CREBL2: variants seen among roughly 807,000 people sequenced by gnomAD.
CREBL2 encodes the protein cAMP-responsive element-binding protein-like 2.
A neutral mutation model predicts 19.5 loss-of-function variants in CREBL2; 4 were observed. That is an observed-to-expected ratio of 0.20 (90% CI 0.10 to 0.47). The LOEUF (loss-of-function observed/expected upper bound fraction) is 0.47, where lower values mean the gene tolerates loss of function less well. CREBL2 is among the 20% of genes least tolerant of loss of function. The probability of loss-of-function intolerance (pLI) is 0.98; values close to 1 mark genes in which losing one functional copy is unlikely to be tolerated. For missense variants in CREBL2, 85 were observed against 145.1 expected (o/e 0.59, Z 2.13); for synonymous variants, 42 against 46.6 (o/e 0.90, Z 0.40).
chr12:12,641,253 A>ATTAT (rs1478394376), intron 3 of CREBL2, among the ~76,000 whole-genome samples: 16 of 78,244 alleles, frequency 2.0e-4, no homozygotes, highest in East Asian at 9.1e-4. Context: ...TATTATTATT[A>ATTAT]TTTTTTTTTA....
At chr12:12,622,251 A>G (rs1385850967) in intron 1 of CREBL2, among the ~76,000 whole-genome samples, 1 of 152,222 alleles carries the variant, frequency 6.6e-6, no homozygotes, top group Non-Finnish European at 1.5e-5. Context: ...GATTGCACAG[A>G]AGAAAGGCCT....
At chr12:12,614,703 C>T in intron 1 of CREBL2, 1 of 285,552 alleles carries the variant, frequency 3.5e-6, no homozygotes, top group South Asian at 3.3e-5. Context: ...TTTCTGGAAG[C>T]TGTCAGCTCT....
chr12:12,628,614 A>G (rs755640595), intron 1 of CREBL2, among the ~76,000 whole-genome samples: 17 of 151,674 alleles, frequency 1.1e-4, no homozygotes, highest in African/African-American at 2.2e-4. Context: ...CCTTTGTTCT[A>G]TTTTTTTTAA....
intron 3 of CREBL2, among the ~76,000 whole-genome samples, chr12:12,641,244 A>ATTTTTTTT (rs1566116871): frequency 6.4e-4 from 10 of 15,592 alleles, no homozygotes; most frequent in African/African-American, 1.0e-3. Flanking sequence ...TATTATTATT[A>ATTTTTTTT]TTATTATTAT....
chr12:12,634,514 A>ATG (rs1286313620), intron 1 of CREBL2, among the ~76,000 whole-genome samples: 2 of 151,048 alleles, frequency 1.3e-5, no homozygotes, highest in Admixed American at 1.4e-4. Context: ...ATACATATTT[A>ATG]TGTGTGTATA....
Position 12,643,679 on chromosome 12 carries a change from AGT to A in CREBL2, c.*1682_*1683del, listed in dbSNP as rs1454913304. 5.3e-5 allele frequency: 8 copies of A among 152,154 alleles called. No homozygotes were observed. Among genetic ancestry groups the A allele is most frequent in the Non-Finnish European group, 1.2e-4 (8 of 68,028 alleles). 9.4% of individuals were successfully genotyped at this position (152,154 alleles called of 1,614,324 possible). A position where few individuals can be genotyped will look rare whatever the true frequency, so the allele number is the denominator to read the frequency against. On this transcript the variant is annotated 3_prime_UTR_variant, in exon 4 of 4. Transcript: ENST00000228865. The stretch of plus-strand genomic sequence containing the variant: ...TCAGATCTCTAGTCTAGTCTAGTCT[AGT>A]CTAGTCTAGTCATGTGTGACTGTGT...
At chr12:12,623,526 G>A (rs1008036051) in intron 1 of CREBL2, among the ~76,000 whole-genome samples, 9 of 152,282 alleles carry the variant, frequency 5.9e-5, no homozygotes, top group African/African-American at 2.2e-4. Flanking sequence ...GGAGGATAGA[G>A]GGAAAATAGA....
intron 1 of CREBL2, among the ~76,000 whole-genome samples, chr12:12,613,676 G>C (rs543481711): frequency 2.9e-4 from 44 of 152,294 alleles, no homozygotes; most frequent in African/African-American, 9.9e-4. Flanking sequence ...AAGACAGAAG[G>C]GGGGCGAGTT....
intron 2 of CREBL2, among the ~76,000 whole-genome samples, chr12:12,636,327 A>C (rs1945474961): frequency 6.6e-6 from 1 of 152,258 alleles, no homozygotes; most frequent in African/African-American, 2.4e-5. Context: ...GAAAGATACA[A>C]TATATTGCTA....
intron 1 of CREBL2, 141 bp downstream of exon 1, chr12:12,612,328 C>G (rs762728286): frequency 2.1e-6 from 3 of 1,463,244 alleles, no homozygotes; most frequent in Admixed American, 1.9e-5. Context: ...GTCCACTGCC[C>G]GATGGTACCC....
chr12:12,617,389 T>C (rs900033425), intron 1 of CREBL2, among the ~76,000 whole-genome samples: 5 of 151,196 alleles, frequency 3.3e-5, no homozygotes, highest in Non-Finnish European at 7.4e-5. Flanking sequence ...GTAGATCTCC[T>C]ACTAGGCTAG....
At chr12:12,637,883 A>G (rs1349019990) in intron 3 of CREBL2, among the ~76,000 whole-genome samples, 169 bp downstream of exon 3, 1 of 151,886 alleles carries the variant, frequency 6.6e-6, no homozygotes, top group Non-Finnish European at 1.5e-5. Flanking sequence ...TCTACAAAAA[A>G]ATACAAAAAT....
chr12:12,618,268 C>G (rs1397864618), intron 1 of CREBL2, among the ~76,000 whole-genome samples: 1 of 151,844 alleles, frequency 6.6e-6, no homozygotes, highest in African/African-American at 2.4e-5. Context: ...CTCCTCACTT[C>G]CCAGACGGGG....
At chr12:12,629,803 T>G (rs552206382) in intron 1 of CREBL2, among the ~76,000 whole-genome samples, 136 of 152,284 alleles carry the variant, frequency 8.9e-4, no homozygotes, top group African/African-American at 3.2e-3. Flanking sequence ...TTATTGAGTG[T>G]TTTTATCATG....
chr12:12,616,599 T>C (rs1214069916), intron 1 of CREBL2, among the ~76,000 whole-genome samples: 2 of 152,248 alleles, frequency 1.3e-5, no homozygotes, highest in Non-Finnish European at 2.9e-5. Flanking sequence ...TCATGTATAA[T>C]ACTGGACTCT....
At chr12:12,612,867 T>C (rs949502695) in intron 1 of CREBL2, among the ~76,000 whole-genome samples, 5 of 152,322 alleles carry the variant, frequency 3.3e-5, no homozygotes, top group South Asian at 2.1e-4. Flanking sequence ...ATGTATAGCC[T>C]TTTTGTCTTT....
At chr12:12,640,498 T>C (rs998016739) in intron 3 of CREBL2, among the ~76,000 whole-genome samples, 2 of 152,188 alleles carry the variant, frequency 1.3e-5, no homozygotes, top group African/African-American at 4.8e-5. Flanking sequence ...TGCACTGATT[T>C]CATATTGTTC....
At chr12:12,629,172 T>G (rs2136303692) in intron 1 of CREBL2, among the ~76,000 whole-genome samples, 1 of 152,350 alleles carries the variant, frequency 6.6e-6, no homozygotes, top group South Asian at 2.1e-4. Flanking sequence ...GAGATTTTGA[T>G]AGGAATTTTG....
At chr12:12,641,122 A>G (rs1355988931) in intron 3 of CREBL2, among the ~76,000 whole-genome samples, 1 of 151,690 alleles carries the variant, frequency 6.6e-6, no homozygotes, top group Non-Finnish European at 1.5e-5. Context: ...CATTTGTTGA[A>G]GAAACTGGAA....
Sources: gnomAD v4.1 joint callset for allele counts (sites outside exome capture counted in the v4.1 genomes callset) on GRCh38, gnomAD v4.1.1 for gene constraint, MANE v1.5 for transcripts, NCBI Gene and HGNC (gene_info 2026-07-23, HGNC 2026-07-21) for gene names.